MED12L: variants seen among roughly 807,000 people sequenced by gnomAD.
MED12L encodes the protein mediator of RNA polymerase II transcription subunit 12-like protein.
MED12L carries 60 observed loss-of-function variants against 281.3 expected under a neutral mutation model. That is an observed-to-expected ratio of 0.21 (90% confidence interval 0.17 to 0.26). The LOEUF (loss-of-function observed/expected upper bound fraction) is 0.26. Ranked by LOEUF, MED12L falls within the 10% of genes least tolerant of loss-of-function variation. The pLI is 1.00. For synonymous variants in MED12L, 974 were observed against 987.2 expected, an observed-to-expected ratio of 0.99 and a Z score of 0.25; for missense variants, 2,146 against 2,680.9, an observed-to-expected ratio of 0.80 and a Z score of 4.41.
chr3:151,403,521 A>G (rs1201248145), intron 39 of MED12L, among the ~76,000 whole-genome samples: 1 of 151,846 alleles, frequency 6.6e-6, no homozygotes, highest in Non-Finnish European at 1.5e-5. Context: ...CATCATCTCT[A>G]TTTTCTTTCC....
intron 32 of MED12L, among the ~76,000 whole-genome samples, chr3:151,381,610 G>C (rs575815823): frequency 3.5e-4 from 53 of 152,316 alleles, no homozygotes; most frequent in African/African-American, 1.2e-3. Flanking sequence ...TCAGTTCTCT[G>C]TTAAGATGTT....
intron 36 of MED12L, 32 bp from the exon 37 acceptor site, chr3:151,387,778 G>A: frequency 6.4e-7 from 1 of 1,567,538 alleles, no homozygotes; most frequent in South Asian, 1.2e-5. Context: ...AAAGATCTGA[G>A]TGTGCTATCT....
rs1409369681 is a variant in MED12L at position 151,319,452 on chromosome 3, TGTG to T, written c.2251-30606_2251-30604del. Among the ~76,000 whole-genome samples, 3 of 105,906 alleles carry T rather than the reference TGTG, an allele frequency of 2.8e-5. No homozygotes were observed. The Admixed American group carries it at 3.1e-4, about 11-fold the overall frequency. 69.5% of individuals were successfully genotyped at this position (105,906 alleles called of 152,430 possible). On this transcript the variant is annotated intron_variant, in intron 16 of 44. Transcript: ENST00000687756. ...TTATTTTAAATACAGAACATCCAGG[TGTG>T]TGTGTGTGTGTGCGTGTGTGTGTGT... is the stretch of plus-strand genomic sequence containing the variant.
intron 17 of MED12L, among the ~76,000 whole-genome samples, chr3:151,353,807 G>A (rs1753547843): frequency 2.0e-5 from 3 of 152,168 alleles, no homozygotes; most frequent in Admixed American, 2.0e-4. Context: ...ACGACAGTGT[G>A]AGGAGTAGAA....
chr3:151,246,482 C>G (rs934180615), intron 16 of MED12L, among the ~76,000 whole-genome samples: 4 of 152,136 alleles, frequency 2.6e-5, no homozygotes, highest in African/African-American at 9.7e-5. Context: ...CTACAACTCT[C>G]TGATCTTTGA....
intron 16 of MED12L, among the ~76,000 whole-genome samples, chr3:151,255,398 GAGT>G (rs1490868555): frequency 2.0e-5 from 3 of 151,912 alleles, no homozygotes; most frequent in East Asian, 3.9e-4. Flanking sequence ...GCATCCAGTA[GAGT>G]AGACGGAAAG....
intron 16 of MED12L, among the ~76,000 whole-genome samples, chr3:151,318,893 C>T (rs746884313): frequency 1.3e-5 from 2 of 152,136 alleles, no homozygotes; most frequent in Non-Finnish European, 2.9e-5. Context: ...CCCTTCACTA[C>T]AGTAGGTGGC....
intron 16 of MED12L, among the ~76,000 whole-genome samples, chr3:151,200,211 C>T (rs1725341083): frequency 6.6e-6 from 1 of 151,682 alleles, no homozygotes; most frequent in East Asian, 1.9e-4. Context: ...GAAGTCTTGT[C>T]ATGTCCCTCC....
chr3:151,133,412 C>T (rs1017394330), intron 5 of MED12L, among the ~76,000 whole-genome samples: 5 of 152,148 alleles, frequency 3.3e-5, no homozygotes, highest in Admixed American at 3.3e-4. Flanking sequence ...GTACCCAGTA[C>T]ACTGTATACA....
At chr3:151,284,643 T>G (rs1222027502) in intron 16 of MED12L, among the ~76,000 whole-genome samples, 2 of 152,172 alleles carry the variant, frequency 1.3e-5, no homozygotes, top group Non-Finnish European at 2.9e-5. Context: ...GTTTTCGCCC[T>G]TGTTGCCCAG....
At chr3:151,202,464 A>G (rs1725740999) in intron 16 of MED12L, among the ~76,000 whole-genome samples, 1 of 152,218 alleles carries the variant, frequency 6.6e-6, no homozygotes, top group South Asian at 2.1e-4. Flanking sequence ...TGAGGTCAAG[A>G]GTTCGAGACC....
At chr3:151,253,227 C>G (rs1037083372) in intron 16 of MED12L, among the ~76,000 whole-genome samples, 1 of 152,144 alleles carries the variant, frequency 6.6e-6, no homozygotes, top group African/African-American at 2.4e-5. Context: ...GAAAAGCCAA[C>G]AAATATGGAG....
At chr3:151,423,931 G>T (rs1451668275) in intron 43 of MED12L, among the ~76,000 whole-genome samples, 4 of 152,080 alleles carry the variant, frequency 2.6e-5, no homozygotes, top group African/African-American at 7.2e-5. Flanking sequence ...TTGAATATTT[G>T]CCTTTTAAAA....
intron 12 of MED12L, among the ~76,000 whole-genome samples, chr3:151,186,325 T>C (rs1359531325): frequency 1.3e-5 from 2 of 152,264 alleles, no homozygotes; most frequent in Admixed American, 1.3e-4. Context: ...ACCTCATCTC[T>C]CTGCTTCCTC....
chr3:151,224,874 T>C (rs1230570258), intron 16 of MED12L, among the ~76,000 whole-genome samples: 1 of 152,216 alleles, frequency 6.6e-6, no homozygotes, highest in Non-Finnish European at 1.5e-5. Flanking sequence ...GCCTCCTGTG[T>C]ACCCCTGATA....
At chr3:151,115,766 T>A (rs899766254) in intron 2 of MED12L, among the ~76,000 whole-genome samples, 1 of 151,958 alleles carries the variant, frequency 6.6e-6, no homozygotes, top group South Asian at 2.1e-4. Flanking sequence ...GTTAAAAGAA[T>A]AGTATAATGG....
chr3:151,262,135 T>C (rs2149503159), intron 16 of MED12L, among the ~76,000 whole-genome samples: 1 of 152,338 alleles, frequency 6.6e-6, no homozygotes, highest in African/African-American at 2.4e-5. Flanking sequence ...TATTGAAAGT[T>C]AGATAGCTAG....
chr3:151,265,914 A>G (rs1739737340), intron 16 of MED12L, among the ~76,000 whole-genome samples: 1 of 152,122 alleles, frequency 6.6e-6, no homozygotes, highest in African/African-American at 2.4e-5. Flanking sequence ...CGGCCCTGAG[A>G]ATTGAAGATG....
intron 16 of MED12L, chr3:151,213,747 G>A (rs372538175): frequency 6.2e-7 from 1 of 1,614,042 alleles, no homozygotes; most frequent in Non-Finnish European, 8.5e-7. Flanking sequence ...TGGCCACGAA[G>A]ATGTAGTTTG....
Sources: allele counts gnomAD v4.1 joint callset (sites outside exome capture counted in the v4.1 genomes callset), GRCh38; gene constraint gnomAD v4.1.1; transcripts MANE v1.5; gene names NCBI Gene and HGNC (gene_info 2026-07-23, HGNC 2026-07-21).